Variants in EPB41L4A observed in about 807,000 individuals in gnomAD.
EPB41L4A encodes erythrocyte membrane protein band 4.1 like 4A.
Under a neutral mutation model 108.6 loss-of-function variants are expected in EPB41L4A, and 100 were observed. That is an observed-to-expected ratio of 0.92 (90% CI 0.78 to 1.09). EPB41L4A has a LOEUF of 1.09. Ranked by LOEUF, EPB41L4A falls within the 50% of genes least tolerant of loss-of-function variation. The pLI is 0.00. For synonymous variants in EPB41L4A, 319 were observed against 289.0 expected (o/e 1.10, Z -1.05); for missense variants, 1,030 against 842.7 (o/e 1.22, Z -2.75).
intron 7 of EPB41L4A, among the ~76,000 whole-genome samples, chr5:112,260,685 G>C (rs1055805858): frequency 6.6e-6 from 1 of 152,054 alleles, no homozygotes; most frequent in African/African-American, 2.4e-5. Context: ...TTTATTTTAA[G>C]GCAATAATAA....
chr5:112,262,424 G>T, intron 7 of EPB41L4A, 70 bp downstream of exon 7: 2 of 1,263,524 alleles, frequency 1.6e-6, no homozygotes, highest in South Asian at 1.2e-5. Context: ...TTTCCTTTGG[G>T]AGTCTCAGTG....
At chr5:112,408,142 C>T (rs1014562346) in intron 1 of EPB41L4A, among the ~76,000 whole-genome samples, 6 of 151,940 alleles carry the variant, frequency 3.9e-5, no homozygotes, top group Non-Finnish European at 7.4e-5. Context: ...ATAAGGGTGC[C>T]AAGACAATTC....
intron 12 of EPB41L4A, among the ~76,000 whole-genome samples, chr5:112,224,139 A>T (rs1748283452): frequency 6.6e-6 from 1 of 152,078 alleles, no homozygotes; most frequent in Non-Finnish European, 1.5e-5. Flanking sequence ...TTTAGTAGAG[A>T]CAGGGTTTCA....
chr5:112,322,157 G>A (rs963039464), intron 1 of EPB41L4A, among the ~76,000 whole-genome samples: 1 of 152,168 alleles, frequency 6.6e-6, no homozygotes, highest in Non-Finnish European at 1.5e-5. Context: ...TGTGTGGCAG[G>A]CACTGTTATA....
At chr5:112,221,744 G>C (rs1488120020) in intron 12 of EPB41L4A, among the ~76,000 whole-genome samples, 2 of 152,032 alleles carry the variant, frequency 1.3e-5, no homozygotes, top group East Asian at 1.9e-4. Flanking sequence ...AAAGAAAAAA[G>C]GTGTCATTTA....
chr5:112,279,747 A>G (rs1182625628), intron 3 of EPB41L4A, among the ~76,000 whole-genome samples: 2 of 152,134 alleles, frequency 1.3e-5, no homozygotes, highest in Non-Finnish European at 2.9e-5. Context: ...TCTCCTTATA[A>G]TATTTGTATT....
chr5:112,277,134 T>TC (rs1329751944), intron 3 of EPB41L4A, among the ~76,000 whole-genome samples: 1 of 152,056 alleles, frequency 6.6e-6, no homozygotes, highest in East Asian at 1.9e-4. Context: ...TCAATCAAGC[T>TC]CCATGTTCCT....
At chr5:112,276,363 C>G (rs1752630966) in intron 3 of EPB41L4A, among the ~76,000 whole-genome samples, 1 of 152,150 alleles carries the variant, frequency 6.6e-6, no homozygotes, top group South Asian at 2.1e-4. Flanking sequence ...AAGACACAAA[C>G]CCCTTGGGTG....
intron 1 of EPB41L4A, among the ~76,000 whole-genome samples, chr5:112,313,700 T>A (rs1008639116): frequency 6.6e-5 from 10 of 152,134 alleles, no homozygotes; most frequent in African/African-American, 2.4e-4. Flanking sequence ...TTACCTTTTT[T>A]TGCTGTGGAG....
chr5:112,268,968 A>T (rs1057357042), intron 4 of EPB41L4A, among the ~76,000 whole-genome samples: 2 of 152,084 alleles, frequency 1.3e-5, no homozygotes, highest in African/African-American at 2.4e-5. Context: ...GAACAGAGAG[A>T]TTAAAAATAT....
chr5:112,409,512 T>C (rs1762290537), intron 1 of EPB41L4A, among the ~76,000 whole-genome samples: 1 of 152,178 alleles, frequency 6.6e-6, no homozygotes, highest in Non-Finnish European at 1.5e-5. Context: ...AAAGCAGTTT[T>C]CAAAAATTAA....
intron 4 of EPB41L4A, among the ~76,000 whole-genome samples, chr5:112,268,144 G>T (rs772506543): frequency 1.5e-4 from 23 of 152,236 alleles, no homozygotes; most frequent in Non-Finnish European, 2.8e-4. Context: ...CACTGTGGGA[G>T]GCTGAGGCAG....
intron 9 of EPB41L4A, among the ~76,000 whole-genome samples, chr5:112,251,625 A>G (rs1750678144): frequency 6.6e-6 from 1 of 152,196 alleles, no homozygotes; most frequent in African/African-American, 2.4e-5. Flanking sequence ...TAACCAGAAA[A>G]CAATGAAGTT....
chr5:112,290,298 A>G (rs572265921), intron 2 of EPB41L4A, among the ~76,000 whole-genome samples: 1 of 152,156 alleles, frequency 6.6e-6, no homozygotes, highest in Non-Finnish European at 1.5e-5. Flanking sequence ...ACCTACTATT[A>G]TATGTCTTCA....
chr5:112,190,485 CAAAGGTAT>C (rs984904629), intron 17 of EPB41L4A, among the ~76,000 whole-genome samples: 1 of 151,884 alleles, frequency 6.6e-6, no homozygotes, highest in Non-Finnish European at 1.5e-5. Context: ...TAAAAATAAC[CAAAGGTAT>C]AAAGTTAGGA....
chr5:112,358,899 A>G (rs554351888), intron 1 of EPB41L4A, among the ~76,000 whole-genome samples: 98 of 152,344 alleles, frequency 6.4e-4, no homozygotes, highest in Non-Finnish European at 1.2e-3. Flanking sequence ...AACATAAAAG[A>G]ATCACAAACT....
At chr5:112,296,620 C>T (rs960199075) in intron 2 of EPB41L4A, among the ~76,000 whole-genome samples, 1 of 151,880 alleles carries the variant, frequency 6.6e-6, no homozygotes, top group Non-Finnish European at 1.5e-5. Flanking sequence ...AATTTTTTTC[C>T]ATAGGTTTTT....
At chr5:112,278,570 C>G (rs75769109) in intron 3 of EPB41L4A, among the ~76,000 whole-genome samples, 1 of 151,846 alleles carries the variant, frequency 6.6e-6, no homozygotes, top group Non-Finnish European at 1.5e-5. Flanking sequence ...TTTAATATTG[C>G]ATTTTTAGAA....
At chr5:112,377,876 C>T (rs940240232) in intron 1 of EPB41L4A, among the ~76,000 whole-genome samples, 1 of 152,056 alleles carries the variant, frequency 6.6e-6, no homozygotes, top group African/African-American at 2.4e-5. Context: ...GCTAACCCCC[C>T]ATCTTTTACA....
Sources: allele counts gnomAD v4.1 joint callset (sites outside exome capture counted in the v4.1 genomes callset), GRCh38; gene constraint gnomAD v4.1.1; transcripts MANE v1.5; gene names NCBI Gene and HGNC (gene_info 2026-07-23, HGNC 2026-07-21).